The following MAP3K15 variants were observed in gnomAD, a reference collection of about 807,000 sequenced individuals.
The protein encoded by MAP3K15 is MAPK/ERK kinase kinase 15.
A neutral mutation model predicts 99.5 loss-of-function variants in MAP3K15; 124 were observed. That is an observed-to-expected ratio of 1.25 (90% confidence interval 1.08 to 1.45). MAP3K15 has a LOEUF of 1.45. Ranked by LOEUF, MAP3K15 falls within the 40% of genes most tolerant of loss-of-function variation. The probability of loss-of-function intolerance (pLI) is 0.00; values close to 1 mark genes in which losing one functional copy is unlikely to be tolerated. For missense variants in MAP3K15, 1,242 were observed against 1,079.7 expected (o/e 1.15, Z -2.11); for synonymous variants, 494 against 439.6 (o/e 1.12, Z -1.55).
At chrX:19,482,128 C>T (rs189064059) in intron 3 of MAP3K15, 2 of 97,902 alleles carry the variant, frequency 2.0e-5, no homozygotes, top group Non-Finnish European at 4.0e-5. Context: ...TGCCGTGAGC[C>T]GAAATCGCGC....
chrX:19,365,729 G>A (rs999112283), intron 25 of MAP3K15, among the ~76,000 whole-genome samples: 1 of 111,745 alleles, frequency 8.9e-6, no homozygotes, highest in African/African-American at 3.2e-5. Context: ...GAAGGCTGCT[G>A]GGGGTGGTGG....
chrX:19,492,554 T>C (rs1198228747), intron 1 of MAP3K15, among the ~76,000 whole-genome samples: 2 of 111,659 alleles, frequency 1.8e-5, no homozygotes, highest in African/African-American at 6.5e-5. Flanking sequence ...CTCAAATGGG[T>C]AATTCCACTC....
intron 1 of MAP3K15, among the ~76,000 whole-genome samples, chrX:19,495,513 T>C (rs2064395026): frequency 9.0e-6 from 1 of 110,912 alleles, no homozygotes; most frequent in African/African-American, 3.3e-5. Context: ...CTTCCCAGTA[T>C]CAAATTTTTT....
Position 19,415,049 on chromosome X carries a change from G to C in MAP3K15, c.1590+58C>G, listed in dbSNP as rs1276401971. 5 of 1,006,875 alleles carry C rather than the reference G, an allele frequency of 5.0e-6. No homozygotes were observed. The African/African-American group carries it at 7.8e-5, about 16-fold the overall frequency. The allele number at this position is 1,006,875 out of a possible 1,213,427, so 83.0% of individuals were successfully genotyped here. ...GTTCAGAGTATTCAATAGTTAAATA[G>C]CACCAATCCCTAGTTTTTTTCCTAA... On this transcript the variant is annotated intron_variant, in intron 10 of 28. Coordinates refer to ENST00000338883, the MANE Select transcript of MAP3K15 (RefSeq NM_001001671.4).
intron 4 of MAP3K15, among the ~76,000 whole-genome samples, chrX:19,461,104 T>G (rs1278525901): frequency 8.9e-6 from 1 of 112,124 alleles, no homozygotes; most frequent in Non-Finnish European, 1.9e-5. Context: ...CTCAGCCTCC[T>G]GAGTAGCTGG....
intron 4 of MAP3K15, among the ~76,000 whole-genome samples, 178 bp from the exon 5 acceptor site, chrX:19,460,331 A>C (rs1376569533): frequency 9.0e-6 from 1 of 111,533 alleles, no homozygotes; most frequent in Admixed American, 9.6e-5. Context: ...CATTTTATAG[A>C]CCAATGAATG....
chrX:19,442,796 C>T (rs2147329660), intron 6 of MAP3K15, among the ~76,000 whole-genome samples: 1 of 105,792 alleles, frequency 9.5e-6, no homozygotes, highest in South Asian at 4.2e-4. Context: ...AATCTCGGCT[C>T]ACTGCAATCT....
intron 16 of MAP3K15, among the ~76,000 whole-genome samples, chrX:19,393,590 C>T (rs1331692258): frequency 1.8e-5 from 2 of 108,901 alleles, no homozygotes; most frequent in Non-Finnish European, 3.8e-5. Flanking sequence ...GAGCCAATAT[C>T]GTACCACTGC....
chrX:19,508,103 G>A (rs750335242), intron 1 of MAP3K15, among the ~76,000 whole-genome samples: 1 of 110,723 alleles, frequency 9.0e-6, no homozygotes, highest in South Asian at 3.8e-4. Context: ...CCTGACCTCA[G>A]GTGATCCACC....
In MAP3K15 at chrX:19,360,480, G is replaced by A. The variant is rs1183490981; in HGVS notation, c.*269C>T. ...AGCAATCCTCCCACCTCAGCCTCCT[G>A]CATAGCTGGGACTACAAGTGAATTT... On this transcript the variant is annotated 3_prime_UTR_variant, in exon 29 of 29. Transcript: ENST00000338883. The A allele has an allele frequency of 1.1e-5, 3 of 263,290 alleles. No homozygotes were observed. Among genetic ancestry groups the A allele is most frequent in the Non-Finnish European group, 2.0e-5 (3 of 148,150 alleles). 21.7% of individuals were successfully genotyped at this position (263,290 alleles called of 1,213,427 possible). A position where few individuals can be genotyped will look rare whatever the true frequency, so the allele number is the denominator to read the frequency against.
At chrX:19,391,233 G>T (rs192301040) in intron 18 of MAP3K15, among the ~76,000 whole-genome samples, 1 of 111,937 alleles carries the variant, frequency 8.9e-6, no homozygotes, top group African/African-American at 3.2e-5. Context: ...ACAGTAACAG[G>T]CTATTTTTAT....
intron 6 of MAP3K15, among the ~76,000 whole-genome samples, chrX:19,442,215 A>G (rs1189402849): frequency 9.0e-6 from 1 of 111,539 alleles, no homozygotes; most frequent in Non-Finnish European, 1.9e-5. Context: ...GACCTAGCCC[A>G]TGTGGACTCC....
intron 9 of MAP3K15, 29 bp from the exon 10 acceptor site, chrX:19,415,286 G>A: frequency 8.9e-7 from 1 of 1,117,683 alleles, no homozygotes; most frequent in Non-Finnish European, 1.2e-6. Context: ...GCAATATATT[G>A]GATTCCTAAA....
chrX:19,373,050 C>G (rs1265935425), intron 21 of MAP3K15: 35 of 237,424 alleles, frequency 1.5e-4, no homozygotes, highest in African/African-American at 9.1e-4. Context: ...AAGGAGCCTC[C>G]CAGGAGACAG....
At chrX:19,443,744 G>T (rs2063976466) in intron 6 of MAP3K15, among the ~76,000 whole-genome samples, 1 of 111,385 alleles carries the variant, frequency 9.0e-6, no homozygotes, top group African/African-American at 3.3e-5. Flanking sequence ...AGGGCAGCTA[G>T]AGAGGAGCAA....
At chrX:19,485,293 A>G (rs2064315317) in intron 3 of MAP3K15, among the ~76,000 whole-genome samples, 1 of 84,407 alleles carries the variant, frequency 1.2e-5, no homozygotes, top group African/African-American at 4.4e-5. Flanking sequence ...TGGCTGACAG[A>G]GCGAGACTCT....
intron 5 of MAP3K15, among the ~76,000 whole-genome samples, chrX:19,457,304 G>A (rs1306913918): frequency 8.9e-6 from 1 of 112,310 alleles, no homozygotes; most frequent in Non-Finnish European, 1.9e-5. Flanking sequence ...ACAGCTGAGT[G>A]TAGGAGAGTT....
intron 7 of MAP3K15, among the ~76,000 whole-genome samples, chrX:19,428,095 T>C (rs113126850): frequency 0.027 from 2,956 of 111,499 alleles, 98 homozygotes; most frequent in African/African-American, 0.089. Context: ...GGCAGGACCA[T>C]AGTTCCAGAT....
At chrX:19,398,826 CTCT>C (rs986098092) in intron 14 of MAP3K15, among the ~76,000 whole-genome samples, 1 of 111,485 alleles carries the variant, frequency 9.0e-6, no homozygotes, top group Non-Finnish European at 1.9e-5. Context: ...GGCTTCCCCA[CTCT>C]TTCAGGCATA....
Sources: gnomAD v4.1 joint callset for allele counts (sites outside exome capture counted in the v4.1 genomes callset) on GRCh38, gnomAD v4.1.1 for gene constraint, MANE v1.5 for transcripts, NCBI Gene and HGNC (gene_info 2026-07-23, HGNC 2026-07-21) for gene names.